Variants in HSPA14 observed in about 807,000 individuals in gnomAD.
The protein encoded by HSPA14 is heat shock 70 kDa protein 14.
In HSPA14, 37 loss-of-function variants were observed where a neutral mutation model predicts 65.5. That is an observed-to-expected ratio of 0.56 (90% CI 0.43 to 0.74). The LOEUF (loss-of-function observed/expected upper bound fraction) is 0.74, where lower values mean the gene tolerates loss of function less well. HSPA14 is among the 30% of genes least tolerant of loss of function. The pLI is 0.00. For synonymous variants in HSPA14, 203 were observed against 214.2 expected, an observed-to-expected ratio of 0.95 and a Z score of 0.46; for missense variants, 564 against 607.6, an observed-to-expected ratio of 0.93 and a Z score of 0.75.
At chr10:14,844,070 G>T in intron 3 of HSPA14, 3 of 1,428,504 alleles carry the variant, frequency 2.1e-6, no homozygotes, top group Non-Finnish European at 2.7e-6. Flanking sequence ...TCCACCAAAT[G>T]GAAGACCTTT....
chr10:14,846,577 T>G, intron 3 of HSPA14: 2 of 982,612 alleles, frequency 2.0e-6, no homozygotes, highest in Non-Finnish European at 2.4e-6. Context: ...CCATTACTAC[T>G]TGAACCCCCT....
intron 5 of HSPA14, chr10:14,849,508 A>G (rs1251408688): frequency 3.1e-6 from 2 of 650,072 alleles, no homozygotes; most frequent in Non-Finnish European, 2.9e-6. Context: ...CTGTTTGGAA[A>G]GCTAATTCTG....
chr10:14,849,454 A>T (rs757113202), intron 5 of HSPA14: 1 of 572,518 alleles, frequency 1.7e-6, no homozygotes, highest in South Asian at 1.5e-5. Flanking sequence ...CCATGGAGTC[A>T]GTCTAATTCA....
intron 6 of HSPA14, 171 bp from the exon 7 acceptor site, chr10:14,851,048 A>T (rs1834105091): frequency 1.8e-6 from 1 of 558,164 alleles, no homozygotes; most frequent in African/African-American, 1.9e-5. Flanking sequence ...GTGATCTCTT[A>T]TAGTCATTCA....
At chr10:14,870,899 A>G (rs924577673) in intron 13 of HSPA14, among the ~76,000 whole-genome samples, 3 of 152,190 alleles carry the variant, frequency 2.0e-5, no homozygotes, top group Non-Finnish European at 2.9e-5. Flanking sequence ...TTTGGCTATC[A>G]TCAACCTAAG....
At position 14,842,531 on chromosome 10, in the gene HSPA14, A is replaced by C. The variant is rs1307903504; in HGVS notation, c.221+2374A>C. 6.5e-7 allele frequency: 1 copy of C among 1,536,176 alleles called. No homozygotes were observed. Among genetic ancestry groups the C allele is most frequent in the Non-Finnish European group, 8.7e-7 (1 of 1,146,918 alleles). On this transcript the variant is annotated intron_variant, in intron 3 of 13. Transcript: ENST00000378372. This position sits in a 1 kb window ranked among gnomAD's most constrained non-coding sequence, Gnocchi z 5.2. ...AAAGGCCTATGTTGCCCATGCCACA[A>C]GTATGGGTGAGCCACCACACTGTCC...
intron 1 of HSPA14, among the ~76,000 whole-genome samples, chr10:14,839,061 C>G (rs997193220): frequency 6.6e-6 from 1 of 152,266 alleles, no homozygotes; most frequent in African/African-American, 2.4e-5. Context: ...CTGATGGTCC[C>G]GCAAAGCTGC....
intron 10 of HSPA14, among the ~76,000 whole-genome samples, chr10:14,856,266 A>G (rs1335590103): frequency 6.6e-6 from 1 of 152,196 alleles, no homozygotes; most frequent in Non-Finnish European, 1.5e-5. Context: ...TTGAATACTC[A>G]CAATAACTCT....
chr10:14,844,126 C>A, intron 3 of HSPA14: 1 of 1,348,430 alleles, frequency 7.4e-7, no homozygotes, highest in Non-Finnish European at 9.5e-7. Context: ...GAGCCACGTT[C>A]TAGACAGCTG....
Position 14,843,556 on chromosome 10 carries a change from G to A in HSPA14, c.221+3399G>A, listed in dbSNP as rs1403111450. 3.2e-6 allele frequency: 5 copies of A among 1,550,596 alleles called. No homozygotes were observed. In the South Asian group the frequency reaches 4.8e-5, roughly 15 times the overall value. On this transcript the variant is annotated intron_variant, in intron 3 of 13. Transcript: ENST00000378372. ...GCAGACTCCAGTCTCCTCTTCGAGA[G>A]CTGGTTTTGTTTCTGGTGGGGATAG...
chr10:14,870,391 C>T (rs1194670678), intron 12 of HSPA14, among the ~76,000 whole-genome samples: 2 of 152,112 alleles, frequency 1.3e-5, no homozygotes, highest in African/African-American at 4.8e-5. Flanking sequence ...CTTATATGCC[C>T]TCCTTCTGGA....
intron 9 of HSPA14, among the ~76,000 whole-genome samples, chr10:14,854,616 G>A: frequency 6.6e-6 from 1 of 152,152 alleles, no homozygotes; most frequent in East Asian, 1.9e-4. Flanking sequence ...TAATGATACG[G>A]CCTATTCAAA....
At chr10:14,845,682 C>T in intron 3 of HSPA14, 1 of 272,014 alleles carries the variant, frequency 3.7e-6, no homozygotes, top group Non-Finnish European at 5.6e-6. Context: ...CAACCTCAGC[C>T]TCCCGAGTAG....
chr10:14,845,649 A>G (rs1323303228), intron 3 of HSPA14: 1 of 574,670 alleles, frequency 1.7e-6, no homozygotes, highest in Admixed American at 6.4e-5. Context: ...GCTGGGGTGC[A>G]GTGGTGCAAT....
chr10:14,839,909 G>A lies in HSPA14; in HGVS notation c.62G>A (p.Gly21Asp). The A allele has an allele frequency of 1.2e-6, 2 of 1,612,284 alleles. No homozygotes were observed. The highest frequency in any genetic ancestry group is 4.5e-5 in the East Asian group (2 of 44,804). The change falls in exon 2 of 14, where the codon GGC becomes GAC. Residue 21 changes from glycine to aspartate, a missense_variant. Transcript: ENST00000378372. ...TSACVAVYKD[G>D]RAGVVANDAG... ...ATTTCGTGTTTTTTTCTCTAGGATG[G>A]CCGGGCTGGTGTGGTTGCAAATGAT...
At chr10:14,869,232 CGTGTGTGTGT>C (rs68155495) in intron 12 of HSPA14, among the ~76,000 whole-genome samples, 88 of 144,822 alleles carry the variant, frequency 6.1e-4, no homozygotes, top group Non-Finnish European at 9.0e-4. Context: ...TGTACGTGTA[CGTGTGTGTGT>C]GTGTGTGTGT....
chr10:14,844,369 C>T (rs1363427117), intron 3 of HSPA14: 2 of 1,024,304 alleles, frequency 2.0e-6, no homozygotes, highest in Admixed American at 5.0e-5. Context: ...TTACAAGATA[C>T]AGAAGTATGG....
At chr10:14,845,329 T>A (rs1834035509) in intron 3 of HSPA14, 1 of 985,154 alleles carries the variant, frequency 1.0e-6, no homozygotes, top group South Asian at 4.7e-5. Flanking sequence ...AGTGGGCATG[T>A]TGGGGGAGGT....
chr10:14,846,092 AC>A (rs1193044666), intron 3 of HSPA14: 1 of 983,012 alleles, frequency 1.0e-6, no homozygotes, highest in African/African-American at 1.7e-5. Flanking sequence ...ATGCTCATGA[AC>A]TTCTAAGTGC....
Sources: allele counts gnomAD v4.1 joint callset (sites outside exome capture counted in the v4.1 genomes callset), GRCh38; gene constraint gnomAD v4.1.1; non-coding constraint Gnocchi (gnomAD v3.1); transcripts MANE v1.5; gene names NCBI Gene and HGNC (gene_info 2026-07-23, HGNC 2026-07-21).